The following MAP3K14 variants were observed in gnomAD, a reference collection of about 807,000 sequenced individuals.
The protein encoded by MAP3K14 is NF-kappa-beta-inducing kinase.
In MAP3K14, 16 loss-of-function variants were observed where a neutral mutation model predicts 99.2. The observed-to-expected ratio is 0.16, with a 90% CI of 0.11 to 0.24. The LOEUF (loss-of-function observed/expected upper bound fraction) is 0.24. Ranked by LOEUF, MAP3K14 falls within the 10% of genes least tolerant of loss-of-function variation. The probability of loss-of-function intolerance (pLI) is 1.00; values close to 1 mark genes in which losing one functional copy is unlikely to be tolerated. For missense variants in MAP3K14, 784 were observed against 1,208.7 expected, an observed-to-expected ratio of 0.65 and a Z score of 5.21; for synonymous variants, 462 against 492.4, an observed-to-expected ratio of 0.94 and a Z score of 0.82.
chr17:45,293,922 T>C (rs2044330284), intron 1 of MAP3K14, among the ~76,000 whole-genome samples: 1 of 152,166 alleles, frequency 6.6e-6, no homozygotes, highest in South Asian at 2.1e-4. Flanking sequence ...ACAAAAATCA[T>C]GGTTCTGTAC....
intron 6 of MAP3K14, among the ~76,000 whole-genome samples, chr17:45,275,201 G>A (rs999658681): frequency 6.6e-6 from 1 of 151,998 alleles, no homozygotes; most frequent in Non-Finnish European, 1.5e-5. Context: ...GGTGGCTCAT[G>A]GCTGTAATCT....
chr17:45,277,512 T>C (rs1212346880), intron 6 of MAP3K14, among the ~76,000 whole-genome samples: 1 of 152,192 alleles, frequency 6.6e-6, no homozygotes, highest in Non-Finnish European at 1.5e-5. Flanking sequence ...TTCCCTAATA[T>C]CTGGTTTGGT....
At position 45,267,451 on chromosome 17, in the gene MAP3K14, G is replaced by A. The variant is rs774779223; in HGVS notation, c.2281C>T (p.Arg761Trp). Reference sequence around the variant, plus strand: ...TCCTGCTCCGGGACGGTTGCTTTCCGCTCTGGTGAGCTGGGGTTTCTGGCA... The same window carrying A: ...TCCTGCTCCGGGACGGTTGCTTTCCACTCTGGTGAGCTGGGGTTTCTGGCA... The part of the protein sequence containing the change: ...APARNPSSPE[R>W]KATVPEQELQ... Residue 761 changes from arginine to tryptophan, a missense_variant, in exon 12 of 16, where the codon CGG (arginine) becomes TGG (tryptophan). Transcript: ENST00000344686. This position sits in a 1 kb window ranked among gnomAD's most constrained non-coding sequence, Gnocchi z 5.1. 4 of 1,609,196 alleles carry A rather than the reference G, an allele frequency of 2.5e-6. No individual in the cohort carries two copies. The African/African-American group carries it at 4.0e-5, about 16-fold the overall frequency.
intron 6 of MAP3K14, among the ~76,000 whole-genome samples, chr17:45,279,978 A>G (rs776424691): frequency 3.3e-5 from 5 of 152,156 alleles, no homozygotes; most frequent in Non-Finnish European, 5.9e-5. Context: ...CTTTACCCCA[A>G]TATAAATGTC....
chr17:45,305,396 G>GT (rs35851298), intron 1 of MAP3K14, among the ~76,000 whole-genome samples: 11,491 of 113,872 alleles, frequency 0.1, 1,187 homozygotes, highest in African/African-American at 0.24. Context: ...GCGCCCGGCC[G>GT]TTTTTTTTTT....
intron 1 of MAP3K14, among the ~76,000 whole-genome samples, chr17:45,299,188 G>A (rs181183945): frequency 2.6e-5 from 4 of 152,190 alleles, no homozygotes; most frequent in East Asian, 1.9e-4. Context: ...ATGAGTGAGC[G>A]GGGTATAATT....
At chr17:45,280,031 G>T (rs1355299898) in intron 6 of MAP3K14, among the ~76,000 whole-genome samples, 1 of 152,192 alleles carries the variant, frequency 6.6e-6, no homozygotes, top group Non-Finnish European at 1.5e-5. Context: ...CAGGCCTGTG[G>T]ATTTCACATC....
chr17:45,303,485 C>T (rs2143857988), intron 1 of MAP3K14, among the ~76,000 whole-genome samples: 1 of 152,198 alleles, frequency 6.6e-6, no homozygotes, highest in East Asian at 1.9e-4. Flanking sequence ...CACTTGAGCC[C>T]AGGAGGTAGA....
At chr17:45,271,306 G>C in intron 9 of MAP3K14, 85 bp from the exon 10 acceptor site, 3 of 1,216,516 alleles carry the variant, frequency 2.5e-6, no homozygotes, top group South Asian at 2.8e-5. Flanking sequence ...AATCCTCGGG[G>C]TATCTTACAT....
At position 45,264,641 on chromosome 17, in the gene MAP3K14, G is replaced by A; in HGVS notation, c.2839C>T (p.Pro947Ser). ...RVKHGQLENRP is the reference protein window; with the variant it reads ...RVKHGQLENRS ...GCCGGCGGTGGAGGGCAGGGTTAGG[G>A]CCTGTTCTCCAGCTGGCCATGCTTG... The change falls in exon 16 of 16, where the codon CCC (proline) becomes TCC (serine). Residue 947 changes from proline to serine, a missense_variant. Pro to Ser is a moderately conservative substitution (Grantham distance 74). Coordinates refer to ENST00000344686, the MANE Select transcript of MAP3K14 (RefSeq NM_003954.5). 1.9e-6 allele frequency: 3 copies of A among 1,577,786 alleles called. No homozygotes were observed. Among genetic ancestry groups the A allele is most frequent in the Non-Finnish European group, 2.6e-6 (3 of 1,162,494 alleles).
At chr17:45,275,905 G>T (rs1416076648) in intron 6 of MAP3K14, among the ~76,000 whole-genome samples, 1 of 151,916 alleles carries the variant, frequency 6.6e-6, no homozygotes, top group Non-Finnish European at 1.5e-5. Flanking sequence ...GGGACTACAA[G>T]TGTGCGCCAC....
At position 45,287,278 on chromosome 17, in the gene MAP3K14, C is replaced by T. The variant is rs367791443; in HGVS notation, c.413G>A (p.Arg138His). The T allele has an allele frequency of 8.7e-6, 14 of 1,613,920 alleles. No individual in the cohort carries two copies. Among genetic ancestry groups the T allele is most frequent in the Admixed American group, 3.3e-5 (2 of 60,008 alleles). ...KMARVCWKGK[R>H]RSKARKKRKK... ...CCGTTTCTTCCGGGCTTTGCTGCGACGCTTTCCCTTCCAACACACACGGGC... is the reference window on the plus strand; with the variant it reads ...CCGTTTCTTCCGGGCTTTGCTGCGATGCTTTCCCTTCCAACACACACGGGC... The change falls in exon 4 of 16, where the codon CGT becomes CAT. Residue 138 changes from arginine (R) to histidine (H), a missense_variant. By Grantham distance (29) the Arg-to-His change is conservative. Coordinates refer to ENST00000344686, the MANE Select transcript of MAP3K14 (RefSeq NM_003954.5).
chr17:45,266,279 G>T, intron 14 of MAP3K14: 1 of 402,104 alleles, frequency 2.5e-6, no homozygotes, highest in East Asian at 3.6e-5. Context: ...CCCCAAGCTA[G>T]GGGAACCTTC....
intron 1 of MAP3K14, among the ~76,000 whole-genome samples, chr17:45,292,464 G>T (rs1015031046): frequency 8.1e-4 from 124 of 152,272 alleles, no homozygotes; most frequent in African/African-American, 2.7e-3. Context: ...TAGAGGCTGC[G>T]GTGGGAGGAA....
intron 1 of MAP3K14, among the ~76,000 whole-genome samples, chr17:45,306,304 C>T (rs944395370): frequency 6.7e-6 from 1 of 150,216 alleles, no homozygotes; most frequent in Non-Finnish European, 1.5e-5. Context: ...AACCATGACA[C>T]TCTTCCTACT....
At chr17:45,302,587 C>A (rs2044398795) in intron 1 of MAP3K14, among the ~76,000 whole-genome samples, 1 of 152,176 alleles carries the variant, frequency 6.6e-6, no homozygotes, top group Non-Finnish European at 1.5e-5. Flanking sequence ...CGATTACAGG[C>A]ATGAGCCACT....
In MAP3K14 at chr17:45,267,072, C is replaced by A. The variant is rs1456225116; in HGVS notation, c.2433+20G>T. 2 of 1,546,996 alleles carry A rather than the reference C, an allele frequency of 1.3e-6. No individual in the cohort carries two copies. Among genetic ancestry groups the A allele is most frequent in the Non-Finnish European group, 8.8e-7 (1 of 1,139,996 alleles). On this transcript the variant is annotated intron_variant, in intron 13 of 15. Coordinates refer to ENST00000344686, the MANE Select transcript of MAP3K14 (RefSeq NM_003954.5). This position sits in a 1 kb window ranked among gnomAD's most constrained non-coding sequence, Gnocchi z 5.1. ...AACCACACCCCTGGAGCCATGGCTC[C>A]GGGGCCACAACCGACTCACCTTCTC...
rs774215538 is a variant in MAP3K14, at chr17:45,287,390, T to C, written c.327-26A>G. 1.6e-5 allele frequency: 25 copies of C among 1,601,948 alleles called. No homozygotes were observed. The Admixed American group carries it at 2.3e-4, about 15-fold the overall frequency. On this transcript the variant is annotated intron_variant, in intron 3 of 15. Coordinates refer to ENST00000344686, the MANE Select transcript of MAP3K14 (RefSeq NM_003954.5). ...CTGTCACAAAAGGGACAGATTTGCA[T>C]ATTGAGCACGAGGAAGCAGGAAGAT...
chr17:45,269,308 G>T lies in MAP3K14; in HGVS notation c.1972+1105C>A, dbSNP rs548211886. Among the ~76,000 whole-genome samples, 203 of 152,204 alleles carry T rather than the reference G, an allele frequency of 1.3e-3. 1 individual carries two copies. The highest frequency in any genetic ancestry group is 4.6e-3 in the African/African-American group (193 of 41,516). ...ATTACAGGTGTGAGCCACTGCTCCC[G>T]GCCTGTCTTTATTTTGTATTCTTGG... On this transcript the variant is annotated intron_variant, in intron 11 of 15. Transcript: ENST00000344686.
Sources: gnomAD v4.1 joint callset for allele counts (sites outside exome capture counted in the v4.1 genomes callset) on GRCh38, gnomAD v4.1.1 for gene constraint, Gnocchi (gnomAD v3.1) non-coding constraint, MANE v1.5 for transcripts, NCBI Gene and HGNC (gene_info 2026-07-23, HGNC 2026-07-21) for gene names.